MRAP2: variants seen among roughly 807,000 people sequenced by gnomAD.
The protein encoded by MRAP2 is melanocortin 2 receptor accessory protein 2.
MRAP2 carries 20 observed loss-of-function variants against 17.4 expected under a neutral mutation model. That is an observed-to-expected ratio of 1.15 (90% CI 0.81 to 1.67). The LOEUF (loss-of-function observed/expected upper bound fraction) is 1.67, where lower values mean the gene tolerates loss of function less well. Among genes scored for constraint, MRAP2 ranks in the 40% most tolerant of loss-of-function variants. The probability of loss-of-function intolerance (pLI) is 0.00; values close to 1 mark genes in which losing one functional copy is unlikely to be tolerated. For missense variants in MRAP2, 238 were observed against 240.0 expected (o/e 0.99, Z 0.05); for synonymous variants, 96 against 88.4 (o/e 1.09, Z -0.48).
chr6:84,134,812 C>A, the MRAP2 span, among the ~76,000 whole-genome samples: 3 of 152,072 alleles, frequency 2.0e-5, no homozygotes, highest in South Asian at 2.1e-4. Context: ...CAGCCTCCCC[C>A]CCACAGATTA....
At chr6:84,114,560 T>C in the MRAP2 span, among the ~76,000 whole-genome samples, 2 of 152,144 alleles carry the variant, frequency 1.3e-5, no homozygotes, top group African/African-American at 4.8e-5. Flanking sequence ...TTACCCACCT[T>C]CTGAAGCCTA....
rs1414022712 is a variant in MRAP2 at position 84,045,781 on chromosome 6, GAC to G, written c.-7-9519_-7-9518del. On this transcript the variant is annotated intron_variant, in intron 1 of 3. Transcript: ENST00000257776. ...TCTCATAAAAAAAAAAGTATATACA[GAC>G]ACACACACACAATGTGTATGTTCAC... Among the ~76,000 whole-genome samples, 4 of 151,786 alleles carry G rather than the reference GAC, an allele frequency of 2.6e-5. No homozygotes were observed. The South Asian group carries it at 8.3e-4, about 32-fold the overall frequency.
the MRAP2 span, among the ~76,000 whole-genome samples, chr6:84,099,002 T>C: frequency 1.3e-5 from 2 of 152,040 alleles, no homozygotes; most frequent in Admixed American, 6.5e-5. Context: ...TTTAGTGTCA[T>C]ATGAAAGAAA....
chr6:84,075,629 C>T (rs925167681), intron 3 of MRAP2, among the ~76,000 whole-genome samples: 1 of 152,104 alleles, frequency 6.6e-6, no homozygotes, highest in Admixed American at 6.5e-5. Context: ...AAGCTTGGGT[C>T]ACATTTTTAT....
rs983481302 is a variant in MRAP2 at position 84,035,550 on chromosome 6, G to T, written c.-8+1667G>T. The T allele has an allele frequency of 9.8e-6, 4 of 406,386 alleles. No homozygotes were observed. The South Asian group carries it at 4.1e-4, about 42-fold the overall frequency. The allele number at this position is 406,386 out of a possible 1,614,324, so 25.2% of individuals were successfully genotyped here. On this transcript the variant is annotated intron_variant, in intron 1 of 3. Transcript: ENST00000257776. The stretch of plus-strand genomic sequence containing the variant: ...AAACATGAAAGCCAAGAGAAAGAAA[G>T]ATAAGATATCAGAGTGCATTGCAGG...
the MRAP2 span, chr6:84,126,315 T>C: frequency 8.0e-6 from 10 of 1,254,294 alleles, no homozygotes; most frequent in African/African-American, 1.5e-4. Context: ...GACAAAACTA[T>C]AGCAAATTAA....
intron 2 of MRAP2, among the ~76,000 whole-genome samples, chr6:84,060,762 T>A (rs1164445369): frequency 6.6e-6 from 1 of 151,698 alleles, no homozygotes; most frequent in Non-Finnish European, 1.5e-5. Context: ...CTTGGCTCAC[T>A]GCAAGCTCCA....
intron 3 of MRAP2, among the ~76,000 whole-genome samples, chr6:84,086,782 G>C (rs899231785): frequency 1.3e-5 from 2 of 152,156 alleles, no homozygotes; most frequent in African/African-American, 4.8e-5. Context: ...CCTTGGCACT[G>C]TCCTGGGGAG....
the MRAP2 span, among the ~76,000 whole-genome samples, chr6:84,117,831 T>C: frequency 6.6e-6 from 1 of 152,200 alleles, no homozygotes; most frequent in Non-Finnish European, 1.5e-5. Flanking sequence ...ACAGCAAAGA[T>C]GGCGGCCTGC....
At chr6:84,052,073 C>T (rs985078115) in intron 1 of MRAP2, among the ~76,000 whole-genome samples, 1 of 152,182 alleles carries the variant, frequency 6.6e-6, no homozygotes, top group African/African-American at 2.4e-5. Flanking sequence ...GCAATTTAGT[C>T]TCTCCCTCAT....
At chr6:84,056,562 TC>T (rs2099491766) in intron 2 of MRAP2, among the ~76,000 whole-genome samples, 1 of 152,236 alleles carries the variant, frequency 6.6e-6, no homozygotes, top group Non-Finnish European at 1.5e-5. Flanking sequence ...AGGTATGCTG[TC>T]ATTGATTATC....
the MRAP2 span, among the ~76,000 whole-genome samples, chr6:84,110,681 T>G: frequency 2.0e-5 from 3 of 152,246 alleles, no homozygotes; most frequent in African/African-American, 7.2e-5. Flanking sequence ...TGCCCATGCC[T>G]ATGTCCTGAA....
At chr6:84,130,341 G>C in the MRAP2 span, among the ~76,000 whole-genome samples, 1 of 152,134 alleles carries the variant, frequency 6.6e-6, no homozygotes, top group South Asian at 2.1e-4. Flanking sequence ...GTTTCTGCCA[G>C]GTTTTGGTAT....
intron 3 of MRAP2, among the ~76,000 whole-genome samples, chr6:84,082,927 A>AG (rs1178460624): frequency 1.3e-5 from 2 of 152,088 alleles, no homozygotes; most frequent in African/African-American, 4.8e-5. Flanking sequence ...AAAAAAGACT[A>AG]GCCCTCTAGC....
At chr6:84,104,027 C>T in the MRAP2 span, among the ~76,000 whole-genome samples, 44 of 152,174 alleles carry the variant, frequency 2.9e-4, no homozygotes, top group Non-Finnish European at 5.3e-4. Context: ...CTATAGATTT[C>T]CCCTCAAATT....
At chr6:84,127,116 C>CA in the MRAP2 span, among the ~76,000 whole-genome samples, 1 of 152,120 alleles carries the variant, frequency 6.6e-6, no homozygotes, top group African/African-American at 2.4e-5. Flanking sequence ...ACCCCATCCT[C>CA]ACAGAGTGTA....
intron 1 of MRAP2, among the ~76,000 whole-genome samples, chr6:84,046,839 G>A (rs116649368): frequency 0.013 from 1,905 of 149,924 alleles, 37 homozygotes; most frequent in African/African-American, 0.041. Context: ...TGTGTTTCCA[G>A]GACTGGTCAG....
the MRAP2 span, among the ~76,000 whole-genome samples, chr6:84,132,954 A>T: frequency 6.6e-6 from 1 of 151,946 alleles, no homozygotes; most frequent in Non-Finnish European, 1.5e-5. Context: ...TGGAATTTTC[A>T]GCTTTTCTGC....
chr6:84,062,385 C>A, intron 2 of MRAP2: 2 of 336,328 alleles, frequency 5.9e-6, no homozygotes, highest in South Asian at 1.2e-4. Context: ...AAATCTTAAC[C>A]AACCATGAGG....
Sources: allele counts gnomAD v4.1 joint callset (sites outside exome capture counted in the v4.1 genomes callset), GRCh38; gene constraint gnomAD v4.1.1; transcripts MANE v1.5; gene names NCBI Gene and HGNC (gene_info 2026-07-23, HGNC 2026-07-21).